NPAS3: variants seen among roughly 807,000 people sequenced by gnomAD.
NPAS3 encodes neuronal PAS domain protein 3, also known as neuronal PAS domain-containing protein 3.
Under a neutral mutation model 73.1 loss-of-function variants are expected in NPAS3, and 14 were observed. The ratio of observed to expected loss-of-function variants is 0.19; its 90% CI spans 0.13 to 0.30. The LOEUF (loss-of-function observed/expected upper bound fraction) is 0.30, where lower values mean the gene tolerates loss of function less well. Ranked by LOEUF, NPAS3 falls within the 10% of genes least tolerant of loss-of-function variation. NPAS3 has a pLI of 1.00. For missense variants in NPAS3, 1,096 were observed against 1,250.0 expected, an observed-to-expected ratio of 0.88 and a Z score of 1.86; for synonymous variants, 620 against 541.5, an observed-to-expected ratio of 1.14 and a Z score of -2.01.
chr14:33,254,810 T>C (rs1342825179), intron 3 of NPAS3, among the ~76,000 whole-genome samples: 1 of 152,204 alleles, frequency 6.6e-6, no homozygotes. Context: ...AAATGACTCG[T>C]AACTTGGTTG....
intron 1 of NPAS3, among the ~76,000 whole-genome samples, chr14:33,022,631 C>G (rs998723557): frequency 1.4e-5 from 2 of 144,196 alleles, no homozygotes; most frequent in Non-Finnish European, 3.0e-5. Context: ...CGCCACCGCA[C>G]TCCAGCCTGG....
At chr14:33,730,661 C>T (rs187632486) in intron 6 of NPAS3, among the ~76,000 whole-genome samples, 205 of 152,070 alleles carry the variant, frequency 1.3e-3, no homozygotes, top group African/African-American at 4.7e-3. Context: ...TGAGGAAGTG[C>T]AGTCCTCTCA....
chr14:33,532,754 CT>C (rs2140186559), intron 4 of NPAS3, among the ~76,000 whole-genome samples: 1 of 152,198 alleles, frequency 6.6e-6, no homozygotes, highest in African/African-American at 2.4e-5. Flanking sequence ...TTGAAAATTC[CT>C]TTCCTGTTGT....
chr14:33,528,510 C>T (rs2053902427), intron 4 of NPAS3, among the ~76,000 whole-genome samples: 1 of 151,918 alleles, frequency 6.6e-6, no homozygotes, highest in Non-Finnish European at 1.5e-5. Flanking sequence ...GAGTGGTCGT[C>T]CTAATGTGTC....
chr14:33,128,398 T>C (rs1379312754), intron 2 of NPAS3, among the ~76,000 whole-genome samples: 2 of 152,214 alleles, frequency 1.3e-5, no homozygotes, highest in Non-Finnish European at 2.9e-5. Flanking sequence ...TCTGTTCTTA[T>C]ATACCAGAAA....
chr14:33,207,211 G>A (rs1002697083), intron 2 of NPAS3, among the ~76,000 whole-genome samples: 1 of 148,270 alleles, frequency 6.7e-6, no homozygotes, highest in Non-Finnish European at 1.5e-5. Flanking sequence ...TGCTTTCCAG[G>A]AAGTTCTCAG....
intron 4 of NPAS3, among the ~76,000 whole-genome samples, chr14:33,412,700 A>C (rs955246700): frequency 1.3e-5 from 2 of 152,172 alleles, no homozygotes; most frequent in African/African-American, 4.8e-5. Flanking sequence ...CACTGGTTAC[A>C]TGGTTTTAGG....
chr14:33,113,430 A>G (rs2042961630), intron 2 of NPAS3, among the ~76,000 whole-genome samples: 1 of 152,156 alleles, frequency 6.6e-6, no homozygotes, highest in Non-Finnish European at 1.5e-5. Flanking sequence ...CTTTGAAGCA[A>G]TTGTGAATGG....
intron 6 of NPAS3, among the ~76,000 whole-genome samples, chr14:33,690,929 T>G (rs937067677): frequency 6.6e-6 from 1 of 152,152 alleles, no homozygotes; most frequent in Non-Finnish European, 1.5e-5. Flanking sequence ...CTAGCTTGTT[T>G]TTAAGTGTCA....
intron 3 of NPAS3, among the ~76,000 whole-genome samples, chr14:33,360,760 C>G (rs1035377149): frequency 2.0e-5 from 3 of 152,154 alleles, no homozygotes; most frequent in Admixed American, 1.3e-4. Context: ...TCAGGTATGT[C>G]AGGGATGTCC....
intron 4 of NPAS3, among the ~76,000 whole-genome samples, chr14:33,447,888 C>T (rs1461421479): frequency 4.6e-5 from 7 of 151,934 alleles, no homozygotes; most frequent in Admixed American, 3.9e-4. Context: ...GTACTCTAGC[C>T]TGGATGAAAA....
At chr14:33,087,157 A>AT (rs1198124390) in intron 2 of NPAS3, among the ~76,000 whole-genome samples, 1,018 of 99,386 alleles carry the variant, frequency 0.01, 9 homozygotes, top group Non-Finnish European at 0.012. Flanking sequence ...AGTATACAAT[A>AT]TAATATTGTA....
chr14:33,065,679 G>A (rs1221484823), intron 2 of NPAS3, among the ~76,000 whole-genome samples: 1 of 151,922 alleles, frequency 6.6e-6, no homozygotes, highest in Non-Finnish European at 1.5e-5. Flanking sequence ...CCTCCCTCAA[G>A]CCAGTTATAA....
intron 1 of NPAS3, among the ~76,000 whole-genome samples, chr14:32,985,802 A>G (rs756676321): frequency 5.9e-5 from 9 of 152,218 alleles, no homozygotes; most frequent in African/African-American, 2.2e-4. Context: ...CTGATTCTCC[A>G]TAATGCAAGG....
Position 33,555,051 on chromosome 14 carries a change from T to C in NPAS3, c.469-5070T>C, listed in dbSNP as rs1566998762. ...GATGCTGTAACTCCTGACTTCTGTATCCAAGCCTCACTTCTTGCATGTGTA... is the reference window on the plus strand; with the variant it reads ...GATGCTGTAACTCCTGACTTCTGTACCCAAGCCTCACTTCTTGCATGTGTA... On this transcript the variant is annotated intron_variant, in intron 4 of 11. Transcript: ENST00000356141. Among the ~76,000 whole-genome samples, 2 of 152,164 alleles carry C rather than the reference T, an allele frequency of 1.3e-5. 1 individual carries two copies. Among genetic ancestry groups the C allele is most frequent in the Non-Finnish European group, 2.9e-5 (2 of 68,028 alleles).
At chr14:33,215,716 G>A (rs932514711) in intron 3 of NPAS3, 40 of 630,618 alleles carry the variant, frequency 6.3e-5, no homozygotes, top group Non-Finnish European at 8.4e-5. Flanking sequence ...TGGGTTTAAT[G>A]TATGTTTTAC....
intron 2 of NPAS3, among the ~76,000 whole-genome samples, chr14:33,167,541 A>G (rs2045211197): frequency 6.6e-6 from 1 of 152,226 alleles, no homozygotes; most frequent in Non-Finnish European, 1.5e-5. Flanking sequence ...TGTGGACTAC[A>G]AAATGTTGTA....
chr14:33,745,603 A>G (rs1379435715), intron 7 of NPAS3, among the ~76,000 whole-genome samples: 1 of 152,242 alleles, frequency 6.6e-6, no homozygotes, highest in Non-Finnish European at 1.5e-5. Flanking sequence ...TTTCATGTAT[A>G]GAGGTGAATC....
intron 2 of NPAS3, among the ~76,000 whole-genome samples, chr14:33,058,641 G>T (rs1348392910): frequency 6.6e-6 from 1 of 152,144 alleles, no homozygotes; most frequent in Non-Finnish European, 1.5e-5. Flanking sequence ...AAAATGAAAT[G>T]GAAGAGAACA....
Sources: gnomAD v4.1 joint callset for allele counts (sites outside exome capture counted in the v4.1 genomes callset) on GRCh38, gnomAD v4.1.1 for gene constraint, MANE v1.5 for transcripts, NCBI Gene and HGNC (gene_info 2026-07-23, HGNC 2026-07-21) for gene names.